RELB: variants seen among roughly 807,000 people sequenced by gnomAD.
The protein encoded by RELB is RELB proto-oncogene, NF-kB subunit, also known as transcription factor RelB.
Under a neutral mutation model 55.4 loss-of-function variants are expected in RELB, and 14 were observed. The observed-to-expected ratio is 0.25, with a 90% CI of 0.17 to 0.40. The LOEUF (loss-of-function observed/expected upper bound fraction) is 0.40, where lower values mean the gene tolerates loss of function less well. Ranked by LOEUF, RELB falls within the 10% of genes least tolerant of loss-of-function variation. The probability of loss-of-function intolerance (pLI) is 1.00; values close to 1 mark genes in which losing one functional copy is unlikely to be tolerated. For missense variants in RELB, 669 were observed against 830.7 expected, an observed-to-expected ratio of 0.81 and a Z score of 2.39; for synonymous variants, 409 against 371.3, an observed-to-expected ratio of 1.10 and a Z score of -1.17.
intron 2 of RELB, among the ~76,000 whole-genome samples, chr19:45,004,584 G>T (rs144724648): frequency 6.6e-6 from 1 of 151,420 alleles, no homozygotes; most frequent in Non-Finnish European, 1.5e-5. Flanking sequence ...AAAACATAAT[G>T]TCGCCTGATG....
At chr19:45,027,169 C>G (rs563115818) in intron 7 of RELB, among the ~76,000 whole-genome samples, 1 of 148,288 alleles carries the variant, frequency 6.7e-6, no homozygotes. Context: ...GGAGGCGGAG[C>G]TTGCAGTGAG....
chr19:45,007,292 C>T (rs1230759318), intron 2 of RELB, among the ~76,000 whole-genome samples: 2 of 152,258 alleles, frequency 1.3e-5, no homozygotes, highest in East Asian at 1.9e-4. Context: ...GCTATTTGAG[C>T]AGAAACTTGA....
At chr19:45,003,436 C>A (rs1372338036) in intron 2 of RELB, 7 of 453,468 alleles carry the variant, frequency 1.5e-5, no homozygotes, top group Admixed American at 5.0e-5. Context: ...GATCGCACCA[C>A]TGCACTCCAG....
At chr19:45,012,347 AT>A in intron 4 of RELB, 71 bp downstream of exon 4, 2 of 928,808 alleles carry the variant, frequency 2.2e-6, no homozygotes, top group Middle Eastern at 3.7e-4. Flanking sequence ...ATCCACATGC[AT>A]TTATACGTTT....
intron 2 of RELB, among the ~76,000 whole-genome samples, chr19:45,003,340 TGGCGGGCTCCTGTAGTCCCAGCTACTCG>T (rs1380889193): frequency 1.3e-5 from 2 of 151,676 alleles, no homozygotes; most frequent in Admixed American, 1.3e-4. Flanking sequence ...CCGGGCGTGG[TGGCGGGCTCCTGTAGTCCCAGCTACTCG>T]GGAGGCTGAG....
chr19:45,013,431 G>A (rs1971385946), intron 4 of RELB, among the ~76,000 whole-genome samples: 1 of 149,998 alleles, frequency 6.7e-6, no homozygotes, highest in Non-Finnish European at 1.5e-5. Context: ...GTGAGCCACT[G>A]TGCCTGGCCT....
intron 4 of RELB, among the ~76,000 whole-genome samples, chr19:45,012,736 CAAAAAAAAAGAAA>C (rs1461035924): frequency 1.0e-5 from 1 of 99,754 alleles, no homozygotes; most frequent in African/African-American, 3.3e-5. Context: ...GACCTTGTCT[CAAAAAAAAAGAAA>C]AAAAAAAAAG....
chr19:45,013,787 G>T (rs966170935), intron 4 of RELB, among the ~76,000 whole-genome samples: 1 of 151,974 alleles, frequency 6.6e-6, no homozygotes, highest in Non-Finnish European at 1.5e-5. Context: ...AGCCAAGATC[G>T]TGCCATTGCT....
chr19:45,012,125 C>T lies in RELB; in HGVS notation c.353C>T (p.Ala118Val), dbSNP rs773854408. The T allele has an allele frequency of 1.3e-6, 2 of 1,555,200 alleles. No individual in the cohort carries two copies. The highest frequency in any genetic ancestry group is 2.0e-5 in the Admixed American group (1 of 49,798). The change falls in exon 4 of 12, where the codon GCG (alanine) becomes GTG (valine). Residue 118 changes from alanine to valine, a missense_variant. Ala to Val is a moderately conservative substitution (Grantham distance 64, BLOSUM62 0). This residue lies in a region of RELB where 323 missense variants were observed against 368.5 expected (regional missense o/e 0.88). Transcript: ENST00000221452. ...GCPLGRLVSP[A>V]PGPGPQPHLV... ...CCCCTGGGCCGACTAGTGTCCCCAGCGCCGGGCCCGGGCCCGCAGCCGCAC... is the reference window on the plus strand; with the variant it reads ...CCCCTGGGCCGACTAGTGTCCCCAGTGCCGGGCCCGGGCCCGCAGCCGCAC...
In RELB at chr19:45,029,137, A is replaced by G. The variant is rs910268758; in HGVS notation, c.991+145A>G. The G allele has an allele frequency of 4.3e-5, 27 of 623,174 alleles. No homozygotes were observed. In the Admixed American group the frequency reaches 7.3e-4, roughly 17 times the overall value. 38.6% of individuals were successfully genotyped at this position (623,174 alleles called of 1,614,324 possible). Reference sequence around the variant, plus strand: ...CAAGGGTCCAGAACACTGTCTTTGCAGTCAGACACAGCTGATGGGTTCATT... The same window carrying G: ...CAAGGGTCCAGAACACTGTCTTTGCGGTCAGACACAGCTGATGGGTTCATT... On this transcript the variant is annotated intron_variant, in intron 8 of 11. Coordinates refer to ENST00000221452, the MANE Select transcript of RELB (RefSeq NM_006509.4).
Position 45,037,409 on chromosome 19 carries a change from G to T in RELB, c.1359G>T (p.Pro453=), listed in dbSNP as rs767372545. ...CTCTTGTCTTCATCCCCGTAGGCCC[G>T]TTCCTCCCGCCGTCAGCCCTGCTGC... ...DHFLPNHGSG[P]FLPPSALLPD... is the part of the protein sequence containing the mutation. The change falls in exon 12 of 12, where the codon CCG becomes CCT. Residue 453 remains proline (P), a synonymous_variant. Transcript: ENST00000221452. The T allele has an allele frequency of 3.8e-6, 6 of 1,568,266 alleles. No homozygotes were observed. The highest frequency in any genetic ancestry group is 8.6e-7 in the Non-Finnish European group (1 of 1,164,282).
intron 2 of RELB, 152 bp from the exon 3 acceptor site, chr19:45,009,662 C>A: frequency 1.3e-6 from 1 of 775,214 alleles, no homozygotes; most frequent in South Asian, 1.8e-5. Context: ...GGGTTTAGTG[C>A]CCCAGCAAGT....
rs1265919098 is a variant in RELB at position 45,001,635 on chromosome 19, C to G, written c.56C>G (p.Pro19Arg). Residue 19 changes from proline (P) to arginine (R), a missense_variant, in exon 1 of 12, where the codon CCG becomes CGG. Physicochemically the swap from Pro to Arg is moderately radical, Grantham distance 103 (BLOSUM62 -2). Around this residue, in one of 3 missense-constraint regions of RELB, gnomAD observed 323 missense variants for 368.5 expected, o/e 0.88. Coordinates refer to ENST00000221452, the MANE Select transcript of RELB (RefSeq NM_006509.4). ...TCCGTCCCCACTGGCCGGGCCATGC[C>G]GAGTCGCCGCGTCGCCAGACCGCCG... Reference protein sequence around the residue: ...GPSVPTGRAMPSRRVARPPAA... With the variant: ...GPSVPTGRAMRSRRVARPPAA... 6.6e-7 allele frequency: 1 copy of G among 1,523,648 alleles called. No homozygotes were observed. The allele number at this position is 1,523,648 out of a possible 1,614,324, so 94.4% of individuals were successfully genotyped here. A position where few individuals can be genotyped will look rare whatever the true frequency, so the allele number is the denominator to read the frequency against.
chr19:45,017,799 T>C (rs891276391), intron 4 of RELB, among the ~76,000 whole-genome samples: 1 of 150,646 alleles, frequency 6.6e-6, no homozygotes, highest in South Asian at 2.1e-4. Flanking sequence ...GCCTGTACCA[T>C]CATGCCTGGC....
At chr19:45,020,398 A>AT (rs1005984638) in intron 4 of RELB, among the ~76,000 whole-genome samples, 1 of 150,692 alleles carries the variant, frequency 6.6e-6, no homozygotes. Flanking sequence ...TAATTTTTGT[A>AT]TTTTTTATAG....
intron 4 of RELB, among the ~76,000 whole-genome samples, chr19:45,015,789 C>T (rs1362361533): frequency 2.0e-5 from 3 of 151,178 alleles, no homozygotes; most frequent in African/African-American, 7.3e-5. Context: ...TCCACAGTCC[C>T]AACTGACATC....
chr19:45,014,185 T>TG (rs1297816845), intron 4 of RELB, among the ~76,000 whole-genome samples: 1 of 141,998 alleles, frequency 7.0e-6, no homozygotes, highest in East Asian at 2.1e-4. Context: ...TTTTTTTTTT[T>TG]TGGAGACAGG....
chr19:45,012,407 C>T, intron 4 of RELB, 131 bp downstream of exon 4: 1 of 569,414 alleles, frequency 1.8e-6, no homozygotes, highest in South Asian at 4.9e-5. Context: ...ATTAATTATA[C>T]TATCACCTGG....
At chr19:45,025,781 A>C in intron 7 of RELB, 44 bp downstream of exon 7, 2 of 1,612,000 alleles carry the variant, frequency 1.2e-6, no homozygotes, top group Non-Finnish European at 1.7e-6. Context: ...CCTTGGCTGC[A>C]GGTGTCAGAA....
Sources: gnomAD v4.1 joint callset for allele counts (sites outside exome capture counted in the v4.1 genomes callset) on GRCh38, gnomAD v4.1.1 for gene constraint, gnomAD v4.1.1 regional missense constraint, MANE v1.5 for transcripts, NCBI Gene and HGNC (gene_info 2026-07-23, HGNC 2026-07-21) for gene names.